GRIP1: variants seen among roughly 807,000 people sequenced by gnomAD.
GRIP1 encodes glutamate receptor-interacting protein 1.
In GRIP1, 45 loss-of-function variants were observed where a neutral mutation model predicts 129.9. The ratio of observed to expected loss-of-function variants is 0.35; its 90% CI spans 0.27 to 0.44. GRIP1 has a LOEUF of 0.44. Ranked by LOEUF, GRIP1 falls within the 20% of genes least tolerant of loss-of-function variation. The probability of loss-of-function intolerance (pLI) is 1.00; values close to 1 mark genes in which losing one functional copy is unlikely to be tolerated. For missense variants in GRIP1, 1,196 were observed against 1,396.8 expected, an observed-to-expected ratio of 0.86 and a Z score of 2.29; for synonymous variants, 530 against 520.8, an observed-to-expected ratio of 1.02 and a Z score of -0.24.
chr12:66,948,442 G>A (rs2041704743), intron 1 of GRIP1, among the ~76,000 whole-genome samples: 2 of 152,190 alleles, frequency 1.3e-5, no homozygotes, highest in East Asian at 3.9e-4. Context: ...AAGATACTGT[G>A]TCTTAAGGAC....
At chr12:66,793,512 T>C (rs963572842) in intron 1 of GRIP1, among the ~76,000 whole-genome samples, 2 of 152,214 alleles carry the variant, frequency 1.3e-5, no homozygotes, top group Non-Finnish European at 2.9e-5. Flanking sequence ...ATTCAAAGTA[T>C]AATTGAATAC....
intron 1 of GRIP1, among the ~76,000 whole-genome samples, chr12:66,785,333 TACATACATAC>T (rs1331217579): frequency 5.8e-5 from 4 of 68,728 alleles, no homozygotes; most frequent in African/African-American, 2.0e-4. Context: ...CATACATACA[TACATACATAC>T]ATATATATAT....
intron 1 of GRIP1, among the ~76,000 whole-genome samples, chr12:66,605,018 T>C (rs1002510617): frequency 2.7e-5 from 4 of 150,308 alleles, no homozygotes; most frequent in African/African-American, 9.8e-5. Flanking sequence ...CTCCATTTTT[T>C]TTTAACTAAT....
chr12:66,511,135 T>C (rs2138878139), intron 7 of GRIP1, among the ~76,000 whole-genome samples: 1 of 152,272 alleles, frequency 6.6e-6, no homozygotes, highest in Non-Finnish European at 1.5e-5. Flanking sequence ...ATTCTCGTGA[T>C]AGTGAATAAG....
In GRIP1 at chr12:66,348,953, G is replaced by T; in HGVS notation, c.*66C>A. The T allele has an allele frequency of 8.7e-7, 1 of 1,151,928 alleles. No homozygotes were observed. Among genetic ancestry groups the T allele is most frequent in the Non-Finnish European group, 1.3e-6 (1 of 757,550 alleles). The allele number at this position is 1,151,928 out of a possible 1,614,324, so 71.4% of individuals were successfully genotyped here. ...GATTATCTGTGCTTCAAAGGTCACA[G>T]AAATCTTAAAGGATTTTTAGCACCA... On this transcript the variant is annotated 3_prime_UTR_variant, in exon 25 of 25. Transcript: ENST00000359742.
intron 2 of GRIP1, among the ~76,000 whole-genome samples, chr12:66,554,455 A>T (rs2062249869): frequency 6.6e-6 from 1 of 152,090 alleles, no homozygotes; most frequent in Non-Finnish European, 1.5e-5. Context: ...TTCAAGTGTG[A>T]CCTAGCATAT....
At chr12:66,909,402 T>G (rs1403814629) in intron 1 of GRIP1, among the ~76,000 whole-genome samples, 2 of 152,204 alleles carry the variant, frequency 1.3e-5, no homozygotes, top group Admixed American at 6.5e-5. Flanking sequence ...ACAAATAGGT[T>G]ATTTACCTGT....
intron 1 of GRIP1, among the ~76,000 whole-genome samples, chr12:66,704,974 G>A (rs2035476965): frequency 6.6e-6 from 1 of 151,816 alleles, no homozygotes; most frequent in Non-Finnish European, 1.5e-5. Context: ...TCTTTCTCTT[G>A]TCTAGATGTC....
chr12:66,545,488 G>T (rs902229877), intron 2 of GRIP1, among the ~76,000 whole-genome samples: 1 of 152,104 alleles, frequency 6.6e-6, no homozygotes, highest in Non-Finnish European at 1.5e-5. Context: ...TAGAAGAGAA[G>T]GCCCCATTTA....
intron 1 of GRIP1, among the ~76,000 whole-genome samples, chr12:66,822,942 C>T (rs933380306): frequency 3.3e-5 from 5 of 152,020 alleles, no homozygotes; most frequent in African/African-American, 9.7e-5. Context: ...GATATGCCCA[C>T]GTAACAAGCT....
intron 1 of GRIP1, among the ~76,000 whole-genome samples, chr12:66,980,858 T>C (rs1333175375): frequency 6.6e-6 from 1 of 152,148 alleles, no homozygotes; most frequent in African/African-American, 2.4e-5. Flanking sequence ...CATGTTACTG[T>C]GTCTACTCAG....
intron 1 of GRIP1, among the ~76,000 whole-genome samples, chr12:66,730,199 A>C (rs954699358): frequency 1.3e-5 from 2 of 152,144 alleles, no homozygotes; most frequent in African/African-American, 4.8e-5. Flanking sequence ...AATTTATGCC[A>C]TACTAATGGT....
chr12:66,877,443 C>G (rs977725456), intron 1 of GRIP1, among the ~76,000 whole-genome samples: 2 of 151,944 alleles, frequency 1.3e-5, no homozygotes, highest in African/African-American at 4.8e-5. Flanking sequence ...TGTTCTCATA[C>G]AATAAAGAAA....
chr12:66,855,835 T>C (rs1814441669), intron 1 of GRIP1, among the ~76,000 whole-genome samples: 1 of 152,120 alleles, frequency 6.6e-6, no homozygotes, highest in South Asian at 2.1e-4. Flanking sequence ...ATTCTTTTAT[T>C]GTTCCTATAA....
chr12:67,019,359 G>A (rs905693), intron 1 of GRIP1, among the ~76,000 whole-genome samples: 66,039 of 152,064 alleles, frequency 0.43, 15,478 homozygotes, highest in East Asian at 0.77. Context: ...CAACCAGCTC[G>A]CTTGGGAGCT....
At chr12:66,555,560 C>T (rs2062300096) in intron 2 of GRIP1, among the ~76,000 whole-genome samples, 1 of 152,076 alleles carries the variant, frequency 6.6e-6, no homozygotes, top group African/African-American at 2.4e-5. Flanking sequence ...ACCTCATCAA[C>T]TGAATAACAT....
At chr12:66,498,998 G>A (rs888074911) in intron 7 of GRIP1, among the ~76,000 whole-genome samples, 1 of 152,174 alleles carries the variant, frequency 6.6e-6, no homozygotes, top group Admixed American at 6.5e-5. Flanking sequence ...CATGATCACT[G>A]AGAAGGAGCA....
chr12:66,706,983 T>A (rs1409472696), intron 1 of GRIP1, among the ~76,000 whole-genome samples: 1 of 151,826 alleles, frequency 6.6e-6, no homozygotes, highest in Non-Finnish European at 1.5e-5. Context: ...ATCCCTTTTT[T>A]TTTTTAAGAA....
intron 1 of GRIP1, among the ~76,000 whole-genome samples, chr12:66,844,743 CATAG>C (rs1028917325): frequency 2.0e-5 from 3 of 152,148 alleles, no homozygotes; most frequent in African/African-American, 7.2e-5. Flanking sequence ...AATATGTGTA[CATAG>C]ATACTTAGAT....
Sources: gnomAD v4.1 joint callset for allele counts (sites outside exome capture counted in the v4.1 genomes callset) on GRCh38, gnomAD v4.1.1 for gene constraint, MANE v1.5 for transcripts, NCBI Gene and HGNC (gene_info 2026-07-23, HGNC 2026-07-21) for gene names.